COL19A1: variants seen among roughly 807,000 people sequenced by gnomAD.
COL19A1 encodes the protein collagen type XIX alpha 1 chain, also known as collagen alpha-1(XIX) chain.
Under a neutral mutation model 190.2 loss-of-function variants are expected in COL19A1, and 159 were observed. The observed-to-expected ratio is 0.84, with a 90% CI of 0.73 to 0.95. The LOEUF (loss-of-function observed/expected upper bound fraction) is 0.95, where lower values mean the gene tolerates loss of function less well. Ranked by LOEUF, COL19A1 falls within the 40% of genes least tolerant of loss-of-function variation. COL19A1 has a pLI of 0.00. For synonymous variants in COL19A1, 509 were observed against 458.9 expected, an observed-to-expected ratio of 1.11 and a Z score of -1.39; for missense variants, 1,418 against 1,431.9, an observed-to-expected ratio of 0.99 and a Z score of 0.16.
intron 40 of COL19A1, among the ~76,000 whole-genome samples, chr6:70,170,748 G>T (rs1216177039): frequency 6.6e-6 from 1 of 151,958 alleles, no homozygotes; most frequent in Non-Finnish European, 1.5e-5. Context: ...CATTTTAAAA[G>T]ATTTCTGAAA....
At chr6:70,122,025 A>G (rs1441814502) in intron 17 of COL19A1, 83 bp downstream of exon 17, 2 of 844,128 alleles carry the variant, frequency 2.4e-6, no homozygotes, top group Admixed American at 2.6e-5. Flanking sequence ...ATTAATTCCT[A>G]ACTTCTCAGA....
chr6:70,175,338 G>T (rs1324873051), intron 41 of COL19A1, among the ~76,000 whole-genome samples: 1 of 151,612 alleles, frequency 6.6e-6, no homozygotes, highest in Admixed American at 6.6e-5. Flanking sequence ...TTCTTGTTTT[G>T]GTTTTATGCA....
chr6:70,132,459 T>C (rs1192866480), intron 18 of COL19A1, among the ~76,000 whole-genome samples: 8 of 152,198 alleles, frequency 5.3e-5, no homozygotes, highest in Non-Finnish European at 2.9e-5. Flanking sequence ...AAATCAACTC[T>C]ACCTATGTAA....
chr6:70,168,558 T>G lies in COL19A1; in HGVS notation c.2542-97T>G, dbSNP rs1490805226. 5.6e-6 allele frequency: 6 copies of G among 1,077,762 alleles called. No homozygotes were observed. In the African/African-American group the frequency reaches 9.6e-5, roughly 17 times the overall value. 66.8% of individuals were successfully genotyped at this position (1,077,762 alleles called of 1,614,324 possible). A position where few individuals can be genotyped will look rare whatever the true frequency, so the allele number is the denominator to read the frequency against. On this transcript the variant is annotated intron_variant, in intron 39 of 50. Transcript: ENST00000620364. Reference sequence around the variant, plus strand: ...TAATTAAAGCAAAACTTGCTAATATTCGTATGTGTATTAAGGCAAATTGGA... The same window carrying G: ...TAATTAAAGCAAAACTTGCTAATATGCGTATGTGTATTAAGGCAAATTGGA...
intron 1 of COL19A1, among the ~76,000 whole-genome samples, chr6:69,876,395 C>T (rs1768128874): frequency 6.6e-6 from 1 of 152,094 alleles, no homozygotes; most frequent in Non-Finnish European, 1.5e-5. Context: ...TTTGACACTT[C>T]TCCATTGTCC....
chr6:70,154,602 C>T (rs1032145402), intron 31 of COL19A1, among the ~76,000 whole-genome samples: 3 of 152,114 alleles, frequency 2.0e-5, no homozygotes, highest in Non-Finnish European at 2.9e-5. Context: ...GGAGAATTGA[C>T]TCATGTGATT....
chr6:69,921,056 CAT>C (rs377073020), intron 4 of COL19A1, among the ~76,000 whole-genome samples: 268 of 15,816 alleles, frequency 0.017, 2 homozygotes, highest in African/African-American at 0.11. Flanking sequence ...ATAGACATAT[CAT>C]ATATATTCAT....
chr6:70,147,683 A>G (rs1172714913), intron 27 of COL19A1, among the ~76,000 whole-genome samples: 1 of 152,148 alleles, frequency 6.6e-6, no homozygotes, highest in Non-Finnish European at 1.5e-5. Flanking sequence ...TCAATTCCCC[A>G]ATGGACATCA....
At position 70,035,811 on chromosome 6, in the gene COL19A1, T is replaced by A. The variant is rs182510733; in HGVS notation, c.1135-93T>A. ...CTATTTTTCTATTCTTCAAGATTTATCTCTATATATTGCTTCTATCCACCT... is the reference window on the plus strand; with the variant it reads ...CTATTTTTCTATTCTTCAAGATTTAACTCTATATATTGCTTCTATCCACCT... On this transcript the variant is annotated intron_variant, in intron 13 of 50. Transcript: ENST00000620364. The A allele has an allele frequency of 2.8e-4, 271 of 968,750 alleles. No individual in the cohort carries two copies. In the African/African-American group the frequency reaches 4.1e-3, roughly 15 times the overall value. The allele number at this position is 968,750 out of a possible 1,614,324, so 60.0% of individuals were successfully genotyped here.
chr6:70,172,228 T>C (rs1356482072), intron 41 of COL19A1, among the ~76,000 whole-genome samples: 52 of 151,928 alleles, frequency 3.4e-4, no homozygotes, highest in Non-Finnish European at 5.9e-5. Context: ...GTTGGGGCTA[T>C]GGAAAGAAAG....
At chr6:70,060,509 C>T (rs982837773) in intron 14 of COL19A1, among the ~76,000 whole-genome samples, 2 of 152,102 alleles carry the variant, frequency 1.3e-5, no homozygotes, top group African/African-American at 4.8e-5. Flanking sequence ...CCCCATTGCT[C>T]ACGTTACTGC....
chr6:70,198,280 C>A (rs535043026), intron 48 of COL19A1, among the ~76,000 whole-genome samples: 7 of 152,250 alleles, frequency 4.6e-5, no homozygotes, highest in Admixed American at 4.6e-4. Context: ...GTAAAAAAAA[C>A]TTTTCTGGAA....
intron 7 of COL19A1, among the ~76,000 whole-genome samples, chr6:69,933,084 C>G (rs1010589303): frequency 2.0e-5 from 3 of 152,058 alleles, no homozygotes; most frequent in Non-Finnish European, 4.4e-5. Flanking sequence ...AATATATACT[C>G]ACTTTGAACT....
At chr6:69,923,003 C>T (rs990837513) in intron 4 of COL19A1, among the ~76,000 whole-genome samples, 20 of 152,032 alleles carry the variant, frequency 1.3e-4, no homozygotes, top group African/African-American at 4.3e-4. Context: ...GACTATCATC[C>T]TAAGTAGAAA....
At chr6:69,988,052 A>G (rs754573785) in intron 11 of COL19A1, among the ~76,000 whole-genome samples, 22 of 152,202 alleles carry the variant, frequency 1.4e-4, no homozygotes, top group Non-Finnish European at 2.8e-4. Context: ...ATGGTTCACT[A>G]TTGACCCTGC....
At chr6:70,120,081 ACT>A (rs1784800414) in intron 16 of COL19A1, among the ~76,000 whole-genome samples, 1 of 152,044 alleles carries the variant, frequency 6.6e-6, no homozygotes, top group Admixed American at 6.5e-5. Flanking sequence ...ACAGAGTGAG[ACT>A]CTGTCTCAAA....
At chr6:70,078,195 C>T (rs954283447) in intron 15 of COL19A1, among the ~76,000 whole-genome samples, 1 of 152,098 alleles carries the variant, frequency 6.6e-6, no homozygotes, top group Non-Finnish European at 1.5e-5. Context: ...GAGGCAACTG[C>T]ATTTGAACAA....
rs367871474 is a variant in COL19A1 at position 70,197,306 on chromosome 6, C to T, written c.3095-2302C>T. 2.6e-5 allele frequency among the ~76,000 whole-genome samples: 4 copies of T among 151,744 alleles called. No homozygotes were observed. The East Asian group carries it at 5.8e-4, about 22-fold the overall frequency. Reference sequence around the variant, plus strand: ...GGCATGGTGGTGGGCGCCTGTAGTCCCAGCTACTCGGGAGGCTGAGGCAGG... The same window carrying T: ...GGCATGGTGGTGGGCGCCTGTAGTCTCAGCTACTCGGGAGGCTGAGGCAGG... On this transcript the variant is annotated intron_variant, in intron 48 of 50. Transcript: ENST00000620364.
At chr6:70,027,557 CTGTGTG>C (rs10585617) in intron 12 of COL19A1, among the ~76,000 whole-genome samples, 9 of 150,234 alleles carry the variant, frequency 6.0e-5, no homozygotes, top group Non-Finnish European at 1.0e-4. Context: ...TGTATCTTAA[CTGTGTG>C]TGTGTGTGTG....
Sources: allele counts gnomAD v4.1 joint callset (sites outside exome capture counted in the v4.1 genomes callset), GRCh38; gene constraint gnomAD v4.1.1; transcripts MANE v1.5; gene names NCBI Gene and HGNC (gene_info 2026-07-23, HGNC 2026-07-21).